The following PRKCA variants were observed in gnomAD, a reference collection of about 807,000 sequenced individuals.
PRKCA encodes protein kinase C alpha, also known as protein kinase C alpha type.
In PRKCA, 27 loss-of-function variants were observed where a neutral mutation model predicts 87.0. The observed-to-expected ratio is 0.31, with a 90% CI of 0.23 to 0.43. The LOEUF is 0.43. Ranked by LOEUF, PRKCA falls within the 20% of genes least tolerant of loss-of-function variation. PRKCA has a pLI of 1.00. For synonymous variants in PRKCA, 329 were observed against 311.1 expected (o/e 1.06, Z -0.61); for missense variants, 518 against 852.3 (o/e 0.61, Z 4.88).
intron 3 of PRKCA, among the ~76,000 whole-genome samples, chr17:66,577,963 A>G (rs151294244): frequency 9.2e-5 from 14 of 151,644 alleles, no homozygotes; most frequent in Non-Finnish European, 1.3e-4. Context: ...GCTGCCGCAC[A>G]CCTGCTCTGT....
chr17:66,716,089 C>T (rs986007369), intron 8 of PRKCA, among the ~76,000 whole-genome samples: 5 of 152,078 alleles, frequency 3.3e-5, no homozygotes, highest in Non-Finnish European at 7.4e-5. Flanking sequence ...TTCCCAAGAG[C>T]TGGATGGCTC....
intron 3 of PRKCA, among the ~76,000 whole-genome samples, chr17:66,616,090 T>G (rs1337410718): frequency 6.6e-6 from 1 of 152,198 alleles, no homozygotes; most frequent in Non-Finnish European, 1.5e-5. Flanking sequence ...ACAGACGCCT[T>G]TTTAATCATT....
intron 3 of PRKCA, among the ~76,000 whole-genome samples, chr17:66,497,963 C>A (rs1916552565): frequency 6.6e-6 from 1 of 151,730 alleles, no homozygotes; most frequent in African/African-American, 2.4e-5. Flanking sequence ...AGCCCACATA[C>A]ACATACACAC....
intron 2 of PRKCA, among the ~76,000 whole-genome samples, chr17:66,355,972 C>T (rs955712015): frequency 2.0e-5 from 3 of 152,150 alleles, no homozygotes; most frequent in Non-Finnish European, 2.9e-5. Flanking sequence ...GATCTCCGCT[C>T]ACTGCAACCT....
intron 2 of PRKCA, among the ~76,000 whole-genome samples, chr17:66,431,631 G>A (rs1297108326): frequency 1.3e-5 from 2 of 152,116 alleles, no homozygotes; most frequent in Non-Finnish European, 2.9e-5. Flanking sequence ...TCCCCTCTGC[G>A]CTCCAGCAAA....
chr17:66,350,781 TC>T (rs1429653047), intron 2 of PRKCA, among the ~76,000 whole-genome samples: 1 of 152,126 alleles, frequency 6.6e-6, no homozygotes, highest in Non-Finnish European at 1.5e-5. Context: ...TGCCTTGGCC[TC>T]CCAAACTGCT....
intron 2 of PRKCA, among the ~76,000 whole-genome samples, chr17:66,398,479 T>C (rs936527179): frequency 3.3e-5 from 5 of 152,184 alleles, no homozygotes; most frequent in African/African-American, 1.2e-4. Context: ...CTGAAAAAGT[T>C]AAGTGGCAAA....
Position 66,805,012 on chromosome 17 carries a change from C to T in PRKCA, c.*975C>T. On this transcript the variant is annotated 3_prime_UTR_variant, in exon 17 of 17. Transcript: ENST00000413366. Reference sequence around the variant, plus strand: ...CTTTTGTGCTTATTTATTTAATAGGCTGCAGTGTCGCTTATGAAAGTACGA... The same window carrying T: ...CTTTTGTGCTTATTTATTTAATAGGTTGCAGTGTCGCTTATGAAAGTACGA... 1.0e-6 allele frequency: 1 copy of T among 985,118 alleles called. No homozygotes were observed. Among genetic ancestry groups the T allele is most frequent in the African/African-American group, 1.7e-5 (1 of 57,350 alleles). 61.0% of individuals were successfully genotyped at this position (985,118 alleles called of 1,614,324 possible).
chr17:66,464,371 T>C (rs1324001881), intron 2 of PRKCA, among the ~76,000 whole-genome samples: 1 of 152,190 alleles, frequency 6.6e-6, no homozygotes, highest in Non-Finnish European at 1.5e-5. Context: ...TTTAAACTCA[T>C]TTGGGTAAAT....
intron 3 of PRKCA, among the ~76,000 whole-genome samples, chr17:66,526,952 A>G (rs899999064): frequency 2.6e-5 from 4 of 152,150 alleles, no homozygotes; most frequent in African/African-American, 9.7e-5. Context: ...GTTGCAAACT[A>G]TAGCTTATTG....
chr17:66,503,229 AC>A (rs1916825169), intron 3 of PRKCA, among the ~76,000 whole-genome samples: 1 of 151,944 alleles, frequency 6.6e-6, no homozygotes, highest in Admixed American at 6.6e-5. Flanking sequence ...ATGTGTTTTT[AC>A]CAGTGACTCT....
intron 8 of PRKCA, among the ~76,000 whole-genome samples, chr17:66,709,222 G>A (rs1460516056): frequency 1.3e-5 from 2 of 151,842 alleles, no homozygotes; most frequent in African/African-American, 4.8e-5. Flanking sequence ...TATGAAGTTG[G>A]GGGATTACCC....
intron 13 of PRKCA, among the ~76,000 whole-genome samples, chr17:66,753,344 G>A (rs1048930931): frequency 5.9e-5 from 9 of 152,206 alleles, no homozygotes; most frequent in African/African-American, 1.7e-4. Context: ...TGTGAACACC[G>A]CCCTGCTGGC....
intron 3 of PRKCA, among the ~76,000 whole-genome samples, chr17:66,569,077 T>C (rs556484037): frequency 6.6e-6 from 1 of 152,266 alleles, no homozygotes; most frequent in East Asian, 1.9e-4. Flanking sequence ...CAATAAATGT[T>C]CTAGAAAATG....
chr17:66,624,228 A>G (rs947367668), intron 3 of PRKCA, among the ~76,000 whole-genome samples: 2 of 151,942 alleles, frequency 1.3e-5, no homozygotes, highest in Admixed American at 6.6e-5. Flanking sequence ...GAGGCTAGAT[A>G]TGGGGCTGTA....
chr17:66,443,738 A>T (rs1424523541), intron 2 of PRKCA, among the ~76,000 whole-genome samples: 1 of 132,238 alleles, frequency 7.6e-6, no homozygotes. Context: ...ACCGCAGAGG[A>T]TGGAGGAAAG....
At chr17:66,542,036 G>A (rs538520021) in intron 3 of PRKCA, among the ~76,000 whole-genome samples, 4 of 152,162 alleles carry the variant, frequency 2.6e-5, no homozygotes, top group African/African-American at 7.2e-5. Context: ...CCTGAAGCTC[G>A]TGTTGCGGTT....
At chr17:66,717,762 A>C (rs979271368) in intron 8 of PRKCA, among the ~76,000 whole-genome samples, 6 of 152,194 alleles carry the variant, frequency 3.9e-5, no homozygotes, top group African/African-American at 1.4e-4. Flanking sequence ...CAGCATCTTC[A>C]TCTGCATCCT....
At chr17:66,324,078 G>A (rs1482624407) in intron 2 of PRKCA, among the ~76,000 whole-genome samples, 1 of 150,298 alleles carries the variant, frequency 6.7e-6, no homozygotes, top group African/African-American at 2.5e-5. Context: ...AGTTATTTTT[G>A]TGCACTGGAA....
Sources: gnomAD v4.1 joint callset for allele counts (sites outside exome capture counted in the v4.1 genomes callset) on GRCh38, gnomAD v4.1.1 for gene constraint, MANE v1.5 for transcripts, NCBI Gene and HGNC (gene_info 2026-07-23, HGNC 2026-07-21) for gene names.